Variants in GTF2IRD1 observed in about 807,000 individuals in gnomAD.
GTF2IRD1 encodes GTF2I repeat domain containing 1.
A neutral mutation model predicts 113.2 loss-of-function variants in GTF2IRD1; 26 were observed. That is an observed-to-expected ratio of 0.23 (90% CI 0.17 to 0.32). The LOEUF (loss-of-function observed/expected upper bound fraction) is 0.32, where lower values mean the gene tolerates loss of function less well. GTF2IRD1 is among the 10% of genes least tolerant of loss of function. The pLI is 1.00. For synonymous variants in GTF2IRD1, 484 were observed against 529.1 expected (o/e 0.91, Z 1.17); for missense variants, 864 against 1,280.8 (o/e 0.67, Z 4.97).
chr7:74,543,428 G>A (rs1554352308), intron 14 of GTF2IRD1, among the ~76,000 whole-genome samples: 1 of 152,206 alleles, frequency 6.6e-6, no homozygotes, highest in African/African-American at 2.4e-5. Flanking sequence ...AGCTGAGACT[G>A]CACCACTGCA....
chr7:74,593,413 TAAAAAAAAAAAAAAA>T (rs1176932203), intron 24 of GTF2IRD1, among the ~76,000 whole-genome samples: 8 of 49,248 alleles, frequency 1.6e-4, no homozygotes, highest in Non-Finnish European at 2.8e-4. Context: ...TCATCTCTAC[TAAAAAAAAAAAAAAA>T]AAAAAAAAAA....
intron 1 of GTF2IRD1, among the ~76,000 whole-genome samples, chr7:74,457,909 C>T (rs1259495443): frequency 3.5e-5 from 5 of 142,620 alleles, no homozygotes; most frequent in African/African-American, 1.0e-4. Flanking sequence ...GAGGGAGTCT[C>T]ACTTTGTCGC....
intron 1 of GTF2IRD1, among the ~76,000 whole-genome samples, chr7:74,461,980 C>T (rs997578672): frequency 2.6e-5 from 4 of 152,310 alleles, no homozygotes; most frequent in African/African-American, 9.6e-5. Flanking sequence ...CCCGTCAAGA[C>T]ATAGAACAGC....
chr7:74,501,252 C>T (rs949889946), intron 1 of GTF2IRD1, among the ~76,000 whole-genome samples: 1 of 152,134 alleles, frequency 6.6e-6, no homozygotes, highest in Non-Finnish European at 1.5e-5. Context: ...CATCATTCCA[C>T]GGGGGAAGGG....
rs138277998 is a variant in GTF2IRD1, at chr7:74,471,441, C to A, written c.-7+17265C>A. ...GGAGAATTGCTTGAGGCTGGGAGTT[C>A]AAGCCTGCGGTGAGCTATAATTGTG... On this transcript the variant is annotated intron_variant, in intron 1 of 26. Coordinates refer to ENST00000424337, the MANE Select transcript of GTF2IRD1 (RefSeq NM_005685.4). 6.0e-3 allele frequency among the ~76,000 whole-genome samples: 912 copies of A among 151,784 alleles called. 9 individuals are homozygous for A. The highest frequency in any genetic ancestry group is 0.02 in the African/African-American group (844 of 41,388).
At chr7:74,459,328 G>A (rs1462286048) in intron 1 of GTF2IRD1, among the ~76,000 whole-genome samples, 1 of 151,962 alleles carries the variant, frequency 6.6e-6, no homozygotes, top group Non-Finnish European at 1.5e-5. Context: ...CGTAGTGGCG[G>A]GCGCCTGTAA....
chr7:74,517,264 T>C (rs1454669215), intron 4 of GTF2IRD1, among the ~76,000 whole-genome samples: 4 of 150,758 alleles, frequency 2.7e-5, no homozygotes, highest in Admixed American at 6.6e-5. Flanking sequence ...CCTCAAGTGA[T>C]CCACCTGCCT....
intron 1 of GTF2IRD1, among the ~76,000 whole-genome samples, chr7:74,467,866 G>A (rs1793820811): frequency 6.6e-6 from 1 of 151,980 alleles, no homozygotes; most frequent in South Asian, 2.1e-4. Context: ...GCTAATTTTT[G>A]TATTTTTAGT....
chr7:74,555,498 A>C lies in GTF2IRD1; in HGVS notation c.2023+4A>C, dbSNP rs1376525575. 1 of 1,579,416 alleles carries C rather than the reference A, an allele frequency of 6.3e-7. No individual in the cohort carries two copies. Among genetic ancestry groups the C allele is most frequent in the African/African-American group, 1.3e-5 (1 of 74,214 alleles). On this transcript the variant is annotated splice_donor_region_variant and intron_variant, in intron 19 of 26. Coordinates refer to ENST00000424337, the MANE Select transcript of GTF2IRD1 (RefSeq NM_005685.4). This position sits in a 1 kb window ranked among gnomAD's most constrained non-coding sequence, Gnocchi z 5.3. Reference sequence around the variant, plus strand: ...CTGAAGAGACAGGGCTTTCAAGGTAAGGTTGAGCTCACGGGGAGGTCTGTT... The same window carrying C: ...CTGAAGAGACAGGGCTTTCAAGGTACGGTTGAGCTCACGGGGAGGTCTGTT...
At chr7:74,476,633 A>T (rs1794428886) in intron 1 of GTF2IRD1, among the ~76,000 whole-genome samples, 1 of 151,782 alleles carries the variant, frequency 6.6e-6, no homozygotes, top group African/African-American at 2.4e-5. Context: ...CCCAGATTTC[A>T]TCGGTTCCCC....
intron 22 of GTF2IRD1, among the ~76,000 whole-genome samples, chr7:74,575,913 A>C (rs781807161): frequency 1.3e-5 from 2 of 152,118 alleles, no homozygotes; most frequent in African/African-American, 2.4e-5. Context: ...CCAGTGGCTC[A>C]CGCCAGCACT....
At chr7:74,524,318 AG>A (rs1797466989) in intron 8 of GTF2IRD1, among the ~76,000 whole-genome samples, 164 bp downstream of exon 8, 1 of 151,972 alleles carries the variant, frequency 6.6e-6, no homozygotes, top group Non-Finnish European at 1.5e-5. Context: ...CTGTCTGGGT[AG>A]GGGGTGGTTG....
chr7:74,557,327 G>T (rs587670964), intron 19 of GTF2IRD1, among the ~76,000 whole-genome samples: 1 of 152,274 alleles, frequency 6.6e-6, no homozygotes, highest in East Asian at 1.9e-4. Context: ...CTGCCTGCCA[G>T]CCCAGGGCAC....
At chr7:74,580,075 A>G (rs1801321218) in intron 22 of GTF2IRD1, among the ~76,000 whole-genome samples, 1 of 152,142 alleles carries the variant, frequency 6.6e-6, no homozygotes, top group South Asian at 2.1e-4. Context: ...TATCTCATCC[A>G]TGAAATGGAG....
intron 1 of GTF2IRD1, among the ~76,000 whole-genome samples, chr7:74,502,585 T>C (rs967239951): frequency 4.9e-4 from 75 of 152,180 alleles, no homozygotes; most frequent in African/African-American, 1.8e-3. Flanking sequence ...CGGACTTCTA[T>C]GGGGGTCCCC....
intron 1 of GTF2IRD1, among the ~76,000 whole-genome samples, chr7:74,491,176 G>A (rs1013595368): frequency 1.3e-5 from 2 of 151,926 alleles, no homozygotes; most frequent in African/African-American, 4.8e-5. Context: ...CGTGGTGGCA[G>A]GCACCTGTAA....
intron 1 of GTF2IRD1, among the ~76,000 whole-genome samples, chr7:74,486,798 C>T (rs37610): frequency 0.25 from 37,887 of 150,434 alleles, 5,482 homozygotes; most frequent in Middle Eastern, 0.36. Flanking sequence ...ATAGCAAGAC[C>T]ATGTCTCTAC....
intron 17 of GTF2IRD1, among the ~76,000 whole-genome samples, chr7:74,550,551 C>A (rs782780847): frequency 2.6e-5 from 4 of 151,854 alleles, no homozygotes; most frequent in Non-Finnish European, 4.4e-5. Context: ...TGCACCACTG[C>A]ACTCTAGCCT....
At chr7:74,507,435 G>A (rs1355409979) in intron 1 of GTF2IRD1, 1 of 152,284 alleles carries the variant, frequency 6.6e-6, no homozygotes, top group Non-Finnish European at 1.5e-5. Flanking sequence ...TTGCACCACT[G>A]CACTATAGCC....
Sources: gnomAD v4.1 joint callset for allele counts (sites outside exome capture counted in the v4.1 genomes callset) on GRCh38, gnomAD v4.1.1 for gene constraint, Gnocchi (gnomAD v3.1) non-coding constraint, MANE v1.5 for transcripts, NCBI Gene and HGNC (gene_info 2026-07-23, HGNC 2026-07-21) for gene names.